The following CDH12 variants were observed in gnomAD, a reference collection of about 807,000 sequenced individuals.
The protein encoded by CDH12 is cadherin 12.
CDH12 carries 41 observed loss-of-function variants against 74.1 expected under a neutral mutation model. That is an observed-to-expected ratio of 0.55 (90% CI 0.43 to 0.72). The LOEUF is 0.72. Among genes scored for constraint, CDH12 ranks in the 30% least tolerant of loss-of-function variants. The pLI is 0.00. For missense variants in CDH12, 945 were observed against 977.2 expected (o/e 0.97, Z 0.44); for synonymous variants, 399 against 355.0 (o/e 1.12, Z -1.39).
chr5:22,815,586 A>G (rs1022218014), intron 1 of CDH12, among the ~76,000 whole-genome samples: 4 of 151,930 alleles, frequency 2.6e-5, no homozygotes, highest in Non-Finnish European at 4.4e-5. Flanking sequence ...CCTGGCCAAC[A>G]TGGTGAAACC....
At chr5:22,818,062 G>T (rs567532627) in intron 1 of CDH12, among the ~76,000 whole-genome samples, 1 of 152,122 alleles carries the variant, frequency 6.6e-6, no homozygotes, top group Non-Finnish European at 1.5e-5. Context: ...AGCAAAGCAT[G>T]GCATACATTC....
Position 22,789,115 on chromosome 5 carries a change from A to G in CDH12, c.-523+63943T>C, listed in dbSNP as rs534292433. Among the ~76,000 whole-genome samples, 5 of 152,224 alleles carry G rather than the reference A, an allele frequency of 3.3e-5. No homozygotes were observed. The East Asian group carries it at 9.6e-4, about 29-fold the overall frequency. ...GCCTAAAATAAAAATATAGGTTACA[A>G]AGTAGATAGTTGCTTTGTATATGTG... On this transcript the variant is annotated intron_variant, in intron 1 of 14. Coordinates refer to ENST00000382254, the MANE Select transcript of CDH12 (RefSeq NM_004061.5).
chr5:22,678,807 C>T (rs2126925585), intron 1 of CDH12, among the ~76,000 whole-genome samples: 1 of 152,058 alleles, frequency 6.6e-6, no homozygotes, highest in Non-Finnish European at 1.5e-5. Flanking sequence ...ATTTATTTAC[C>T]TTTACTACAT....
chr5:22,191,186 T>C (rs1401168869), intron 4 of CDH12, among the ~76,000 whole-genome samples: 1 of 152,052 alleles, frequency 6.6e-6, no homozygotes, highest in African/African-American at 2.4e-5. Context: ...CTTTCTTCCC[T>C]CTTCATCTAG....
intron 4 of CDH12, among the ~76,000 whole-genome samples, chr5:22,149,591 A>G (rs1206274464): frequency 6.6e-6 from 1 of 152,228 alleles, no homozygotes; most frequent in Admixed American, 6.5e-5. Flanking sequence ...CTCTAGAAAG[A>G]TCTCACCTGA....
intron 1 of CDH12, among the ~76,000 whole-genome samples, chr5:22,630,627 A>G (rs1019765112): frequency 2.0e-5 from 3 of 152,150 alleles, no homozygotes; most frequent in African/African-American, 7.2e-5. Context: ...CTTATGCCAC[A>G]TACAAAAATC....
chr5:22,810,351 G>A (rs754214567), intron 1 of CDH12, among the ~76,000 whole-genome samples: 4 of 152,148 alleles, frequency 2.6e-5, no homozygotes, highest in Non-Finnish European at 4.4e-5. Flanking sequence ...AAGTAATGAA[G>A]ATAAAATGTA....
At chr5:21,844,336 C>G (rs1227396233) in intron 7 of CDH12, among the ~76,000 whole-genome samples, 1 of 146,380 alleles carries the variant, frequency 6.8e-6, no homozygotes, top group African/African-American at 2.5e-5. Context: ...GCTTAGTACC[C>G]AGATTTCAAC....
chr5:21,978,099 G>T lies in CDH12; in HGVS notation c.232-2714C>A, dbSNP rs968699067. On this transcript the variant is annotated intron_variant, in intron 5 of 14. Transcript: ENST00000382254. ...TGTAAAATAATTTCAACAGTGAAAG[G>T]TATAAAGTAAGATGAAAATTTCCAT... Among the ~76,000 whole-genome samples, 8 of 152,126 alleles carry T rather than the reference G, an allele frequency of 5.3e-5. No individual in the cohort carries two copies. The East Asian group carries it at 1.5e-3, about 29-fold the overall frequency.
At chr5:22,010,262 A>G (rs1442040769) in intron 5 of CDH12, among the ~76,000 whole-genome samples, 1 of 152,196 alleles carries the variant, frequency 6.6e-6, no homozygotes, top group African/African-American at 2.4e-5. Context: ...AATGGATTGT[A>G]AAATTTTCTC....
intron 3 of CDH12, among the ~76,000 whole-genome samples, chr5:22,268,038 A>AG (rs1269824344): frequency 6.6e-6 from 1 of 152,176 alleles, no homozygotes; most frequent in African/African-American, 2.4e-5. Context: ...GAAGTGGAAC[A>AG]ATCTTCAATC....
intron 3 of CDH12, among the ~76,000 whole-genome samples, chr5:22,338,686 A>C: frequency 6.6e-6 from 1 of 152,196 alleles, no homozygotes; most frequent in East Asian, 1.9e-4. Flanking sequence ...CCCCATAAAT[A>C]TGTACACATA....
intron 1 of CDH12, among the ~76,000 whole-genome samples, chr5:22,705,676 T>C (rs1580907832): frequency 6.6e-6 from 1 of 152,004 alleles, no homozygotes; most frequent in East Asian, 1.9e-4. Flanking sequence ...GGCTAAAAAA[T>C]AAAGCTATGT....
In CDH12 at chr5:22,405,342, G is replaced by T. The variant is rs996135025; in HGVS notation, c.-418C>A. On this transcript the variant is annotated 5_prime_UTR_variant, in exon 3 of 15. Transcript: ENST00000382254. ...ACAGTAACTTGATTCTATAGCACTG[G>T]ACATCAAAGCTGAAAAATATGTAAA... 5 of 960,882 alleles carry T rather than the reference G, an allele frequency of 5.2e-6. No homozygotes were observed. The African/African-American group carries it at 8.8e-5, about 17-fold the overall frequency. The allele number at this position is 960,882 out of a possible 1,614,324, so 59.5% of individuals were successfully genotyped here.
At chr5:22,365,035 T>A (rs1236413739) in intron 3 of CDH12, among the ~76,000 whole-genome samples, 1 of 152,204 alleles carries the variant, frequency 6.6e-6, no homozygotes, top group African/African-American at 2.4e-5. Flanking sequence ...TGGAACAGAT[T>A]CCCTTTCTTC....
chr5:21,875,539 GT>G (rs1425327946), intron 6 of CDH12, among the ~76,000 whole-genome samples: 1 of 152,284 alleles, frequency 6.6e-6, no homozygotes, highest in African/African-American at 2.4e-5. Context: ...TGGTTACAGG[GT>G]TTTGAATATA....
At chr5:22,117,214 CT>C (rs1451504676) in intron 4 of CDH12, among the ~76,000 whole-genome samples, 3 of 150,442 alleles carry the variant, frequency 2.0e-5, no homozygotes, top group Non-Finnish European at 3.0e-5. Context: ...ATTGATTTCA[CT>C]TCTTGTATAT....
chr5:22,175,392 T>A (rs1270221207), intron 4 of CDH12, among the ~76,000 whole-genome samples: 8 of 151,974 alleles, frequency 5.3e-5, no homozygotes, highest in Non-Finnish European at 1.0e-4. Flanking sequence ...GGTTATTCTG[T>A]TAAATGCCAG....
chr5:21,852,282 C>T (rs1443293826), intron 7 of CDH12, among the ~76,000 whole-genome samples: 1 of 151,278 alleles, frequency 6.6e-6, no homozygotes, highest in East Asian at 1.9e-4. Context: ...AAAATCAATG[C>T]TTCAAAAATC....
Sources: allele counts gnomAD v4.1 joint callset (sites outside exome capture counted in the v4.1 genomes callset), GRCh38; gene constraint gnomAD v4.1.1; transcripts MANE v1.5; gene names NCBI Gene and HGNC (gene_info 2026-07-23, HGNC 2026-07-21).